The following CACNA1C variants were observed in gnomAD, a reference collection of about 807,000 sequenced individuals.
CACNA1C encodes the protein voltage-dependent L-type calcium channel subunit alpha-1C.
In CACNA1C, 30 loss-of-function variants were observed where a neutral mutation model predicts 229.0. The observed-to-expected ratio is 0.13, with a 90% CI of 0.10 to 0.18. CACNA1C has a LOEUF of 0.18. CACNA1C is among the 10% of genes least tolerant of loss of function. CACNA1C has a pLI of 1.00. For missense variants in CACNA1C, 1,658 were observed against 2,845.0 expected, an observed-to-expected ratio of 0.58 and a Z score of 9.49; for synonymous variants, 1,114 against 1,132.5, an observed-to-expected ratio of 0.98 and a Z score of 0.33.
chr12:2,346,721 A>T lies in CACNA1C; in HGVS notation c.478-102255A>T, dbSNP rs759712352. 1.3e-5 allele frequency among the ~76,000 whole-genome samples: 2 copies of T among 152,200 alleles called. No homozygotes were observed. Among genetic ancestry groups the T allele is most frequent in the Non-Finnish European group, 2.9e-5 (2 of 68,034 alleles). ...GGAATTGGAAGGCCTTAAAAGGAAC[A>T]TTTAGAAATCAGGAGTCAAACGTGA... On this transcript the variant is annotated intron_variant, in intron 3 of 46. Coordinates refer to ENST00000399655, the MANE Select transcript of CACNA1C (RefSeq NM_000719.7). The surrounding 1 kb of genome is among the most constrained non-coding windows in gnomAD (Gnocchi z 4.4).
chr12:2,171,371 G>A (rs1164963772), intron 3 of CACNA1C, among the ~76,000 whole-genome samples: 2 of 152,034 alleles, frequency 1.3e-5, no homozygotes, highest in African/African-American at 4.8e-5. Context: ...TGGATCACAC[G>A]CCATCCCCAC....
At chr12:2,510,632 A>G (rs2099781571) in intron 8 of CACNA1C, among the ~76,000 whole-genome samples, 1 of 152,166 alleles carries the variant, frequency 6.6e-6, no homozygotes, top group African/African-American at 2.4e-5. Context: ...TCCCAGTCCT[A>G]TTCTCCCAAT....
rs964393452 is a variant in CACNA1C at position 2,693,924 on chromosome 12, G to A, written c.*2725G>A. 3.3e-5 allele frequency: 5 copies of A among 152,156 alleles called. No homozygotes were observed. In the East Asian group the frequency reaches 9.6e-4, roughly 29 times the overall value. 9.4% of individuals were successfully genotyped at this position (152,156 alleles called of 1,614,324 possible). A position where few individuals can be genotyped will look rare whatever the true frequency, so the allele number is the denominator to read the frequency against. The stretch of plus-strand genomic sequence containing the variant: ...TCCATTCCTCTATGACAGCTTGCTG[G>A]ACTGATTCATGACAAAGTGGAGAAA... On this transcript the variant is annotated 3_prime_UTR_variant, in exon 47 of 47. Transcript: ENST00000399655.
chr12:2,602,051 G>A lies in CACNA1C; in HGVS notation c.2960+91G>A. 1.2e-6 allele frequency: 1 copy of A among 820,314 alleles called. No homozygotes were observed. The highest frequency in any genetic ancestry group is 2.1e-6 in the Non-Finnish European group (1 of 473,298). 50.8% of individuals were successfully genotyped at this position (820,314 alleles called of 1,614,324 possible). ...CAGACCCTGGAGGGCCTGCCTGCAG[G>A]GCCACCGCAGTGTGATGAGAGTGGG... On this transcript the variant is annotated intron_variant, in intron 22 of 46. Transcript: ENST00000399655. This position sits in a 1 kb window ranked among gnomAD's most constrained non-coding sequence, Gnocchi z 4.4.
intron 29 of CACNA1C, among the ~76,000 whole-genome samples, chr12:2,617,034 C>T (rs1187715287): frequency 6.6e-6 from 1 of 152,250 alleles, no homozygotes; most frequent in Non-Finnish European, 1.5e-5. Context: ...GTCTTGTCTG[C>T]TTTGAAGCCC....
At chr12:2,582,981 G>GC in intron 15 of CACNA1C, 39 bp downstream of exon 15, 3 of 1,379,622 alleles carry the variant, frequency 2.2e-6, no homozygotes, top group Non-Finnish European at 3.0e-6. Flanking sequence ...GCGGCCCCCA[G>GC]CCCCCAGCCT....
rs765652476 is a variant in CACNA1C, at chr12:2,231,043, G to A, written c.477+110613G>A. On this transcript the variant is annotated intron_variant, in intron 3 of 46. Coordinates refer to ENST00000399655, the MANE Select transcript of CACNA1C (RefSeq NM_000719.7). The stretch of plus-strand genomic sequence containing the variant: ...TTTTGGAAATAACATATACAGATAC[G>A]CACAAAGGTCAGAAAGGGAAAATAA... Among the ~76,000 whole-genome samples the A allele has an allele frequency of 1.6e-4, 25 of 152,116 alleles. 1 individual carries two copies. Among genetic ancestry groups the A allele is most frequent in the Admixed American group, 6.5e-4 (10 of 15,274 alleles).
At chr12:2,645,182 T>A (rs935354717) in intron 30 of CACNA1C, among the ~76,000 whole-genome samples, 5 of 152,186 alleles carry the variant, frequency 3.3e-5, no homozygotes, top group Non-Finnish European at 7.4e-5. Flanking sequence ...TCAGCCAGAA[T>A]GTTCAGGTTA....
intron 7 of CACNA1C, among the ~76,000 whole-genome samples, chr12:2,494,961 C>A (rs1382064384): frequency 6.6e-6 from 1 of 152,158 alleles, no homozygotes; most frequent in African/African-American, 2.4e-5. Context: ...CCAGTCCAGT[C>A]CAATTATCTC....
At chr12:2,623,062 G>A (rs1259268064) in intron 29 of CACNA1C, among the ~76,000 whole-genome samples, 2 of 152,212 alleles carry the variant, frequency 1.3e-5, no homozygotes, top group Non-Finnish European at 2.9e-5. Context: ...AGGAGCCCAG[G>A]CCTTCGTCGT....
At chr12:2,494,696 G>A (rs759773399) in intron 7 of CACNA1C, among the ~76,000 whole-genome samples, 117 of 152,186 alleles carry the variant, frequency 7.7e-4, no homozygotes, top group African/African-American at 2.2e-3. Flanking sequence ...GTAACTGTAC[G>A]GAGATTTGGT....
chr12:2,431,884 C>G, intron 3 of CACNA1C, among the ~76,000 whole-genome samples: 1 of 152,294 alleles, frequency 6.6e-6, no homozygotes, highest in South Asian at 2.1e-4. Context: ...TTCCAAACCC[C>G]AAGATTCCCA....
At chr12:2,682,464 G>A (rs911401998) in intron 42 of CACNA1C, 86 bp from the exon 43 acceptor site, 7 of 1,483,958 alleles carry the variant, frequency 4.7e-6, no homozygotes, top group Non-Finnish European at 6.4e-6. Flanking sequence ...ACCTGCATGT[G>A]TGTGCGTGTG....
intron 3 of CACNA1C, among the ~76,000 whole-genome samples, chr12:2,182,800 G>A (rs1324019830): frequency 6.6e-6 from 1 of 152,110 alleles, no homozygotes; most frequent in African/African-American, 2.4e-5. Flanking sequence ...CCTGATGAAG[G>A]CACACCCCAC....
intron 1 of CACNA1C, among the ~76,000 whole-genome samples, chr12:2,107,803 T>A (rs941256124): frequency 5.9e-5 from 9 of 152,372 alleles, no homozygotes; most frequent in Non-Finnish European, 1.3e-4. Flanking sequence ...ATTGCCTTTT[T>A]AAAAAGTTTT....
At chr12:2,685,064 GACTC>G (rs1289254208) in intron 43 of CACNA1C, among the ~76,000 whole-genome samples, 13 of 152,292 alleles carry the variant, frequency 8.5e-5, no homozygotes, top group African/African-American at 3.1e-4. Flanking sequence ...AGTGGACTGG[GACTC>G]ACCAGGGTGC....
chr12:2,374,734 T>C (rs1324189399), intron 3 of CACNA1C, among the ~76,000 whole-genome samples: 1 of 152,260 alleles, frequency 6.6e-6, no homozygotes, highest in Non-Finnish European at 1.5e-5. Context: ...TAACCACTGC[T>C]GCAGGGATGA....
chr12:2,173,004 G>T (rs1366160777), intron 3 of CACNA1C, among the ~76,000 whole-genome samples: 1 of 152,196 alleles, frequency 6.6e-6, no homozygotes, highest in Non-Finnish European at 1.5e-5. Context: ...ACAGGAGACT[G>T]GCGTCTGTCC....
chr12:2,539,161 C>A (rs2099863065), intron 9 of CACNA1C, among the ~76,000 whole-genome samples: 1 of 152,210 alleles, frequency 6.6e-6, no homozygotes, highest in African/African-American at 2.4e-5. Context: ...GTATGTCGGT[C>A]AGTGTCCCCA....
Sources: allele counts gnomAD v4.1 joint callset (sites outside exome capture counted in the v4.1 genomes callset), GRCh38; gene constraint gnomAD v4.1.1; non-coding constraint Gnocchi (gnomAD v3.1); transcripts MANE v1.5; gene names NCBI Gene and HGNC (gene_info 2026-07-23, HGNC 2026-07-21).